RIBC2: variants seen among roughly 807,000 people sequenced by gnomAD.
RIBC2 encodes RIB43A-like with coiled-coils protein 2.
Under a neutral mutation model 44.3 loss-of-function variants are expected in RIBC2, and 40 were observed. The observed-to-expected ratio is 0.90, with a 90% CI of 0.70 to 1.18. The LOEUF (loss-of-function observed/expected upper bound fraction) is 1.18, where lower values mean the gene tolerates loss of function less well. RIBC2 is among the 50% of genes most tolerant of loss of function. The probability of loss-of-function intolerance (pLI) is 0.00; values close to 1 mark genes in which losing one functional copy is unlikely to be tolerated. For missense variants in RIBC2, 459 were observed against 485.5 expected (o/e 0.95, Z 0.51); for synonymous variants, 171 against 175.0 (o/e 0.98, Z 0.18).
intron 4 of RIBC2, among the ~76,000 whole-genome samples, chr22:45,425,707 T>C (rs1184588138): frequency 6.6e-6 from 1 of 152,120 alleles, no homozygotes; most frequent in Non-Finnish European, 1.5e-5. Flanking sequence ...CCGGAGCTCT[T>C]ATGCATACAC....
chr22:45,423,537 C>T (rs1409620941), intron 4 of RIBC2, among the ~76,000 whole-genome samples: 2 of 152,124 alleles, frequency 1.3e-5, no homozygotes, highest in Non-Finnish European at 1.5e-5. Context: ...CATGTGCTAT[C>T]ATTAAGGTAT....
At chr22:45,426,535 G>A (rs73448337) in intron 5 of RIBC2, among the ~76,000 whole-genome samples, 2,236 of 152,366 alleles carry the variant, frequency 0.015, 59 homozygotes, top group African/African-American at 0.051. Flanking sequence ...AGAGAAGGGC[G>A]TGGAGCCTGG....
intron 4 of RIBC2, among the ~76,000 whole-genome samples, chr22:45,424,313 T>C (rs968160482): frequency 2.1e-4 from 32 of 152,166 alleles, no homozygotes; most frequent in African/African-American, 7.7e-4. Context: ...CTCCAGTTCT[T>C]GGGTCGGGGC....
At chr22:45,432,143 C>T in intron 6 of RIBC2, 141 bp from the exon 7 acceptor site, 1 of 562,348 alleles carries the variant, frequency 1.8e-6, no homozygotes. Flanking sequence ...TTTTGGGGGG[C>T]TCATTAGGTA....
At chr22:45,414,886 T>G (rs2087405372) in intron 2 of RIBC2, among the ~76,000 whole-genome samples, 1 of 152,086 alleles carries the variant, frequency 6.6e-6, no homozygotes, top group African/African-American at 2.4e-5. Flanking sequence ...CTTGCTCTGC[T>G]CAAAAGTTTA....
intron 3 of RIBC2, among the ~76,000 whole-genome samples, chr22:45,419,894 C>T (rs1306015220): frequency 1.3e-5 from 2 of 151,982 alleles, no homozygotes; most frequent in Non-Finnish European, 2.9e-5. Flanking sequence ...GGAGTGGTGG[C>T]GGGTGCCTGT....
At chr22:45,425,139 AC>A (rs1188270988) in intron 4 of RIBC2, among the ~76,000 whole-genome samples, 4 of 151,670 alleles carry the variant, frequency 2.6e-5, no homozygotes, top group African/African-American at 4.9e-5. Context: ...AAACAAACAA[AC>A]AAACAAAAAA....
At chr22:45,415,603 GTATATATA>G (rs59918831) in intron 2 of RIBC2, among the ~76,000 whole-genome samples, 2,945 of 149,276 alleles carry the variant, frequency 0.02, 95 homozygotes, top group African/African-American at 0.067. Context: ...TTATATATGT[GTATATATA>G]TATATATATA....
At chr22:45,418,006 G>T (rs931156838) in intron 3 of RIBC2, 60 bp downstream of exon 3, 250 of 597,564 alleles carry the variant, frequency 4.2e-4, no homozygotes, top group East Asian at 6.5e-4. Context: ...CAACCCTACA[G>T]TTTTTTTTTT....
rs369534747 is a variant in RIBC2 at position 45,417,932 on chromosome 22, A to C, written c.542A>C (p.Glu181Ala). ...AGGGAATGGAAGAACGCCCGTGCTG[A>C]ACAAAAATGCGCAGGTAATGAAACA... ...QQREWKNARAEQKCAEALYTE... is the reference protein window; with the variant it reads ...QQREWKNARAAQKCAEALYTE... Residue 181 changes from glutamate (E) to alanine (A), a missense_variant, in exon 3 of 7, where the codon GAA (glutamate) becomes GCA (alanine). Glu to Ala is a moderately radical substitution (Grantham distance 107, BLOSUM62 -1). Coordinates refer to ENST00000614167, the MANE Select transcript of RIBC2 (RefSeq NM_015653.5). 8.2e-5 allele frequency: 132 copies of C among 1,600,888 alleles called. No individual in the cohort carries two copies. The African/African-American group carries it at 1.7e-3, about 20-fold the overall frequency.
At chr22:45,414,628 C>T (rs1454507858) in intron 2 of RIBC2, among the ~76,000 whole-genome samples, 5 of 152,068 alleles carry the variant, frequency 3.3e-5, no homozygotes, top group African/African-American at 4.8e-5. Flanking sequence ...GCATGAGCCA[C>T]GGTACCCAGC....
At chr22:45,427,900 G>A (rs1228347779) in intron 5 of RIBC2, among the ~76,000 whole-genome samples, 3 of 152,360 alleles carry the variant, frequency 2.0e-5, no homozygotes, top group South Asian at 2.1e-4. Flanking sequence ...CTCCCATAGT[G>A]CCGGGATTAC....
chr22:45,417,598 C>T lies in RIBC2; in HGVS notation c.212-4C>T, dbSNP rs549293962. ...AGCTTATGGATATGCTGTATCTCTT[C>T]CAGCTGCTGAAATGAGGCAAAATGA... On this transcript the variant is annotated splice_polypyrimidine_tract_variant and splice_region_variant and intron_variant, in intron 2 of 6. Transcript: ENST00000614167. The T allele has an allele frequency of 2.5e-6, 4 of 1,604,408 alleles. No individual in the cohort carries two copies. The highest frequency in any genetic ancestry group is 2.2e-5 in the East Asian group (1 of 44,694).
chr22:45,414,699 C>T (rs1284284155), intron 2 of RIBC2, among the ~76,000 whole-genome samples: 1 of 152,094 alleles, frequency 6.6e-6, no homozygotes, highest in East Asian at 1.9e-4. Context: ...TTTTAAATTT[C>T]ACAATTTCTT....
At position 45,413,885 on chromosome 22, in the gene RIBC2, C is replaced by A. The variant is rs2087388745; in HGVS notation, c.-2C>A. The A allele has an allele frequency of 6.5e-7, 1 of 1,550,000 alleles. No homozygotes were observed. The highest frequency in any genetic ancestry group is 1.4e-5 in the African/African-American group (1 of 73,006). On this transcript the variant is annotated 5_prime_UTR_variant, in exon 1 of 7. Transcript: ENST00000614167. ...GTGTTCTAAAAACCCCTTAGGCTTT[C>A]CATGGGTTCCCAGACCATGGCGGTG...
At position 45,426,079 on chromosome 22, in the gene RIBC2, G is replaced by C. The variant is rs1202292079; in HGVS notation, c.807G>C (p.Gly269=). The change falls in exon 5 of 7, where the codon GGG becomes GGC. Residue 269 remains glycine (G), a synonymous_variant. Transcript: ENST00000614167. ...ENPQQAASSF[G]PHRVVPDRWK... The stretch of plus-strand genomic sequence containing the variant: ...CGCAGCAGGCAGCCAGCTCCTTCGG[G>C]CCCCACCGCGTGGTCCCTGACCGCT... 1 of 1,613,798 alleles carries C rather than the reference G, an allele frequency of 6.2e-7. No homozygotes were observed. The highest frequency in any genetic ancestry group is 1.3e-5 in the African/African-American group (1 of 74,914).
In RIBC2 at chr22:45,430,939, G is replaced by A; in HGVS notation, c.943G>A (p.Asp315Asn). 6.2e-7 allele frequency: 1 copy of A among 1,610,312 alleles called. No homozygotes were observed. Among genetic ancestry groups the A allele is most frequent in the Non-Finnish European group, 8.5e-7 (1 of 1,178,124 alleles). ...AAAGCGCCAGCGAGACCTGGACTGG[G>A]ACCGGCGGAGGATTCAGGGGGCTCG... ...EEKRQRDLDW[D>N]RRRIQGARAT... Residue 315 changes from aspartate (D) to asparagine (N), a missense_variant, in exon 6 of 7, where the codon GAC becomes AAC. Asp to Asn is a conservative substitution (Grantham distance 23). Coordinates refer to ENST00000614167, the MANE Select transcript of RIBC2 (RefSeq NM_015653.5).
At chr22:45,429,726 C>T (rs570004583) in intron 5 of RIBC2, among the ~76,000 whole-genome samples, 8 of 152,264 alleles carry the variant, frequency 5.3e-5, no homozygotes, top group Admixed American at 4.6e-4. Flanking sequence ...TCAGGACTGC[C>T]GCTCTGCCTG....
intron 5 of RIBC2, among the ~76,000 whole-genome samples, chr22:45,427,725 C>G (rs1375934222): frequency 6.6e-6 from 1 of 152,232 alleles, no homozygotes; most frequent in Non-Finnish European, 1.5e-5. Flanking sequence ...ACCTCTGCCT[C>G]CTGAGTTCAA....
Sources: allele counts gnomAD v4.1 joint callset (sites outside exome capture counted in the v4.1 genomes callset), GRCh38; gene constraint gnomAD v4.1.1; transcripts MANE v1.5; gene names NCBI Gene and HGNC (gene_info 2026-07-23, HGNC 2026-07-21).